Variants in VAV3 observed in about 807,000 individuals in gnomAD.
VAV3 encodes guanine nucleotide exchange factor VAV3.
In VAV3, 94 loss-of-function variants were observed where a neutral mutation model predicts 131.2. That is an observed-to-expected ratio of 0.72 (90% CI 0.61 to 0.85). The LOEUF is 0.85. Ranked by LOEUF, VAV3 falls within the 40% of genes least tolerant of loss-of-function variation. The pLI is 0.00. For missense variants in VAV3, 939 were observed against 1,002.7 expected, an observed-to-expected ratio of 0.94 and a Z score of 0.86; for synonymous variants, 349 against 342.0, an observed-to-expected ratio of 1.02 and a Z score of -0.22.
chr1:107,870,675 C>T (rs944436945), intron 2 of VAV3, among the ~76,000 whole-genome samples: 2 of 152,078 alleles, frequency 1.3e-5, no homozygotes, highest in East Asian at 3.9e-4. Context: ...CTCTCTCTCT[C>T]TCCCAATAAT....
At chr1:107,748,871 A>G (rs552641287) in intron 15 of VAV3, 97 bp downstream of exon 15, 2 of 929,042 alleles carry the variant, frequency 2.2e-6, no homozygotes, top group Non-Finnish European at 3.2e-6. Flanking sequence ...CACATTATAC[A>G]TGCTACAAGC....
intron 15 of VAV3, among the ~76,000 whole-genome samples, chr1:107,738,764 T>C (rs1373050302): frequency 3.3e-5 from 5 of 152,192 alleles, no homozygotes; most frequent in African/African-American, 1.2e-4. Context: ...ATTATTATCA[T>C]AGAATTCACT....
intron 17 of VAV3, among the ~76,000 whole-genome samples, chr1:107,693,711 A>G (rs1355461112): frequency 6.6e-6 from 1 of 152,206 alleles, no homozygotes; most frequent in African/African-American, 2.4e-5. Flanking sequence ...AAGCAACAAC[A>G]ACATGATATT....
At chr1:107,583,503 G>C (rs1204265461) in intron 25 of VAV3, among the ~76,000 whole-genome samples, 2 of 152,132 alleles carry the variant, frequency 1.3e-5, no homozygotes, top group Non-Finnish European at 2.9e-5. Flanking sequence ...TGTATATCTA[G>C]AAAACCCCAC....
chr1:107,941,212 G>A (rs919076123), intron 1 of VAV3, among the ~76,000 whole-genome samples: 20 of 152,080 alleles, frequency 1.3e-4, no homozygotes, highest in Admixed American at 3.9e-4. Flanking sequence ...TTCCCAGCCC[G>A]CACATTCTAA....
At chr1:107,596,411 C>A in intron 24 of VAV3, 70 bp from the exon 25 acceptor site, 1 of 1,534,284 alleles carries the variant, frequency 6.5e-7, no homozygotes, top group South Asian at 1.2e-5. Flanking sequence ...AACTCCTGAG[C>A]ACATAAATAC....
intron 15 of VAV3, among the ~76,000 whole-genome samples, chr1:107,723,636 A>G (rs2101932481): frequency 6.8e-6 from 1 of 147,078 alleles, no homozygotes. Context: ...AACTTAGCAG[A>G]CCCAACTCTC....
At chr1:107,692,406 A>G (rs1188558697) in intron 17 of VAV3, among the ~76,000 whole-genome samples, 1 of 152,128 alleles carries the variant, frequency 6.6e-6, no homozygotes, top group African/African-American at 2.4e-5. Context: ...ACCCAAATAG[A>G]TGGAAGGAAT....
chr1:107,918,108 C>G (rs1672709926), intron 1 of VAV3, among the ~76,000 whole-genome samples: 1 of 152,136 alleles, frequency 6.6e-6, no homozygotes, highest in Admixed American at 6.5e-5. Flanking sequence ...AGCTTTCAGA[C>G]TGGCCAAAAG....
intron 2 of VAV3, among the ~76,000 whole-genome samples, chr1:107,819,540 C>A (rs1207566786): frequency 6.7e-6 from 1 of 148,474 alleles, no homozygotes; most frequent in African/African-American, 2.5e-5. Flanking sequence ...TGATATGACA[C>A]AAATATGACA....
At chr1:107,717,087 C>T (rs1661146631) in intron 15 of VAV3, among the ~76,000 whole-genome samples, 1 of 151,944 alleles carries the variant, frequency 6.6e-6, no homozygotes, top group Non-Finnish European at 1.5e-5. Flanking sequence ...TGGTGATATC[C>T]CCTTTATCAT....
At chr1:107,615,978 G>A (rs1005214157) in intron 21 of VAV3, among the ~76,000 whole-genome samples, 1 of 152,122 alleles carries the variant, frequency 6.6e-6, no homozygotes, top group Non-Finnish European at 1.5e-5. Flanking sequence ...GCAGAGAAAA[G>A]GGAATGCTTA....
chr1:107,840,659 C>A (rs1276684709), intron 2 of VAV3, among the ~76,000 whole-genome samples: 1 of 151,596 alleles, frequency 6.6e-6, no homozygotes, highest in Non-Finnish European at 1.5e-5. Flanking sequence ...AAGGAAGCAA[C>A]AAAAGTTAAG....
intron 2 of VAV3, among the ~76,000 whole-genome samples, chr1:107,836,659 A>C (rs557607650): frequency 6.6e-6 from 1 of 152,296 alleles, no homozygotes; most frequent in Non-Finnish European, 1.5e-5. Context: ...AATAAATAAG[A>C]TTGTTAGACC....
intron 15 of VAV3, among the ~76,000 whole-genome samples, chr1:107,742,792 G>A (rs1663102013): frequency 6.6e-6 from 1 of 152,186 alleles, no homozygotes; most frequent in Admixed American, 6.5e-5. Flanking sequence ...AACAGGCAGA[G>A]GGATTGTTGG....
intron 2 of VAV3, among the ~76,000 whole-genome samples, chr1:107,847,853 T>C (rs1429324228): frequency 6.6e-6 from 1 of 152,112 alleles, no homozygotes; most frequent in Non-Finnish European, 1.5e-5. Context: ...AAAGAGGAGT[T>C]TGTACCATTC....
chr1:107,638,096 A>C (rs1655067315), intron 20 of VAV3, among the ~76,000 whole-genome samples: 1 of 152,196 alleles, frequency 6.6e-6, no homozygotes, highest in Admixed American at 6.5e-5. Context: ...AACTACAGAT[A>C]ATGTCATACT....
At chr1:107,606,542 G>C (rs1237047763) in intron 22 of VAV3, among the ~76,000 whole-genome samples, 3 of 152,050 alleles carry the variant, frequency 2.0e-5, no homozygotes, top group African/African-American at 7.2e-5. Context: ...TGGAATTCCT[G>C]CTACTTGAAT....
At chr1:107,941,630 T>C (rs1458869976) in intron 1 of VAV3, among the ~76,000 whole-genome samples, 2 of 152,098 alleles carry the variant, frequency 1.3e-5, no homozygotes, top group African/African-American at 2.4e-5. Flanking sequence ...AGAAGTAGGG[T>C]ATATCCCTCA....
Sources: allele counts gnomAD v4.1 joint callset (sites outside exome capture counted in the v4.1 genomes callset), GRCh38; gene constraint gnomAD v4.1.1; transcripts MANE v1.5; gene names NCBI Gene and HGNC (gene_info 2026-07-23, HGNC 2026-07-21).